NIPA2: variants seen among roughly 807,000 people sequenced by gnomAD.
NIPA2 encodes the protein NIPA magnesium transporter 2.
A neutral mutation model predicts 29.7 loss-of-function variants in NIPA2; 11 were observed. The ratio of observed to expected loss-of-function variants is 0.37; its 90% CI spans 0.23 to 0.61. The LOEUF (loss-of-function observed/expected upper bound fraction) is 0.61, where lower values mean the gene tolerates loss of function less well. Ranked by LOEUF, NIPA2 falls within the 20% of genes least tolerant of loss-of-function variation. The probability of loss-of-function intolerance (pLI) is 0.66; values close to 1 mark genes in which losing one functional copy is unlikely to be tolerated. For synonymous variants in NIPA2, 183 were observed against 161.9 expected, an observed-to-expected ratio of 1.13 and a Z score of -0.99; for missense variants, 426 against 437.9, an observed-to-expected ratio of 0.97 and a Z score of 0.24.
intron 6 of NIPA2, among the ~76,000 whole-genome samples, chr15:22,859,795 GT>G: frequency 1.3e-5 from 2 of 152,058 alleles, no homozygotes; most frequent in South Asian, 4.2e-4. Flanking sequence ...CAGGGTTATG[GT>G]ATAAGTCATT....
chr15:22,846,818 A>AAATAATAAT (rs1555380233), intron 3 of NIPA2, among the ~76,000 whole-genome samples: 106 of 135,830 alleles, frequency 7.8e-4, no homozygotes, highest in African/African-American at 2.7e-3. Context: ...CCTGTCTCCA[A>AAATAATAAT]AATAATAATA....
chr15:22,864,518 A>G (rs962860839), intron 7 of NIPA2, among the ~76,000 whole-genome samples: 3 of 152,132 alleles, frequency 2.0e-5, no homozygotes, highest in Non-Finnish European at 2.9e-5. Flanking sequence ...TTCCAGTTTC[A>G]TGGCTGGCTG....
At chr15:22,860,372 A>G (rs919867276) in intron 6 of NIPA2, among the ~76,000 whole-genome samples, 2 of 152,218 alleles carry the variant, frequency 1.3e-5, no homozygotes, top group Admixed American at 1.3e-4. Flanking sequence ...GTTCTTTATT[A>G]TAAATTTCAT....
intron 7 of NIPA2, among the ~76,000 whole-genome samples, chr15:22,861,736 G>A (rs2058634898): frequency 6.6e-6 from 1 of 152,138 alleles, no homozygotes; most frequent in East Asian, 1.9e-4. Context: ...TGTGCTGGGT[G>A]CCTGATGGTT....
chr15:22,860,772 A>C lies in NIPA2; in HGVS notation c.431A>C (p.His144Pro), dbSNP rs778970121. 19 of 1,595,834 alleles carry C rather than the reference A, an allele frequency of 1.2e-5. No individual in the cohort carries two copies. Among genetic ancestry groups the C allele is most frequent in the Middle Eastern group, 1.7e-4 (1 of 6,038 alleles). Reference protein sequence around the residue: ...EEIETLNEMSHKLGDPGFVVF... With the variant: ...EEIETLNEMSPKLGDPGFVVF... Reference sequence around the variant, plus strand: ...ATTGAGACTTTAAATGAAATGTCTCACAAGCTAGGTGATCCAGGTAAGAAA... The same window carrying C: ...ATTGAGACTTTAAATGAAATGTCTCCCAAGCTAGGTGATCCAGGTAAGAAA... The change falls in exon 7 of 8, where the codon CAC becomes CCC. Residue 144 changes from histidine to proline, a missense_variant. Transcript: ENST00000337451.
At position 22,839,640 on chromosome 15, in the gene NIPA2, T is replaced by C. The variant is rs921854843; in HGVS notation, c.-351-15T>C. 2.0e-5 allele frequency: 3 copies of C among 152,172 alleles called. No homozygotes were observed. Among genetic ancestry groups the C allele is most frequent in the Admixed American group, 2.0e-4 (3 of 15,280 alleles). 9.4% of individuals were successfully genotyped at this position (152,172 alleles called of 1,614,324 possible). On this transcript the variant is annotated splice_polypyrimidine_tract_variant and intron_variant, in intron 1 of 7. Coordinates refer to ENST00000337451, the MANE Select transcript of NIPA2 (RefSeq NM_030922.7). ...TTTAAGTCTTTTGCCTACTTCTGTGTTTTCTTCTTTCTAGGCTGGAGCTAC... is the reference window on the plus strand; with the variant it reads ...TTTAAGTCTTTTGCCTACTTCTGTGCTTTCTTCTTTCTAGGCTGGAGCTAC...
At chr15:22,843,348 A>G (rs759803099) in intron 2 of NIPA2, among the ~76,000 whole-genome samples, 7 of 151,484 alleles carry the variant, frequency 4.6e-5, no homozygotes, top group Non-Finnish European at 8.8e-5. Context: ...TACTAAAAAT[A>G]CAAAAAAATT....
At chr15:22,842,837 T>A (rs199841392) in intron 2 of NIPA2, among the ~76,000 whole-genome samples, 3 of 149,910 alleles carry the variant, frequency 2.0e-5, no homozygotes, top group Admixed American at 6.6e-5. Context: ...TCCAAAAAAA[T>A]TAAAAAATGC....
At chr15:22,852,503 T>C (rs2057840544) in intron 4 of NIPA2, among the ~76,000 whole-genome samples, 1 of 147,328 alleles carries the variant, frequency 6.8e-6, no homozygotes, top group Non-Finnish European at 1.5e-5. Flanking sequence ...AATCAGAATT[T>C]ATTAAAGGCT....
At chr15:22,839,495 C>A (rs960240821) in intron 1 of NIPA2, among the ~76,000 whole-genome samples, 160 bp from the exon 2 acceptor site, 18 of 152,246 alleles carry the variant, frequency 1.2e-4, no homozygotes, top group African/African-American at 4.3e-4. Context: ...TCGAGAGTTT[C>A]CATTCCAGTA....
intron 6 of NIPA2, among the ~76,000 whole-genome samples, chr15:22,858,868 C>T (rs1032879428): frequency 6.6e-6 from 1 of 152,082 alleles, no homozygotes; most frequent in East Asian, 1.9e-4. Context: ...AGTTCTACTT[C>T]GATTTCAGTT....
intron 1 of NIPA2, chr15:22,839,213 A>G (rs1306476876): frequency 6.6e-6 from 1 of 152,204 alleles, no homozygotes; most frequent in Non-Finnish European, 1.5e-5. Flanking sequence ...TGCGGGGATC[A>G]TAACTGACAG....
Position 22,866,907 on chromosome 15 carries a change from A to C in NIPA2, c.*60A>C. 2 of 1,422,324 alleles carry C rather than the reference A, an allele frequency of 1.4e-6. No individual in the cohort carries two copies. Among genetic ancestry groups the C allele is most frequent in the Non-Finnish European group, 1.9e-6 (2 of 1,056,722 alleles). The allele number at this position is 1,422,324 out of a possible 1,614,324, so 88.1% of individuals were successfully genotyped here. A position where few individuals can be genotyped will look rare whatever the true frequency, so the allele number is the denominator to read the frequency against. ...ATGAAGTGAATTTGAATATCATCAGAATGTGTCTGAAAAAACATTGTCCTC... is the reference window on the plus strand; with the variant it reads ...ATGAAGTGAATTTGAATATCATCAGCATGTGTCTGAAAAAACATTGTCCTC... On this transcript the variant is annotated 3_prime_UTR_variant, in exon 8 of 8. Coordinates refer to ENST00000337451, the MANE Select transcript of NIPA2 (RefSeq NM_030922.7).
intron 7 of NIPA2, among the ~76,000 whole-genome samples, chr15:22,865,233 TC>T (rs1417258933): frequency 6.8e-6 from 1 of 146,080 alleles, no homozygotes; most frequent in African/African-American, 2.5e-5. Context: ...ACGCCTGTAA[TC>T]CCAGCACTTT....
At chr15:22,840,812 T>G (rs1431227062) in intron 2 of NIPA2, among the ~76,000 whole-genome samples, 1 of 152,100 alleles carries the variant, frequency 6.6e-6, no homozygotes, top group African/African-American at 2.4e-5. Flanking sequence ...TAGCTATTGT[T>G]AGGGAGAGAT....
chr15:22,865,214 C>CG (rs982930795), intron 7 of NIPA2, among the ~76,000 whole-genome samples: 6 of 147,752 alleles, frequency 4.1e-5, no homozygotes, highest in African/African-American at 1.5e-4. Context: ...CTGCTGGGTG[C>CG]GGTGGCTCAC....
chr15:22,848,825 C>CAAAA lies in NIPA2; in HGVS notation c.-93-2791_-93-2788dup, dbSNP rs35853443. Reference sequence around the variant, plus strand: ...GGGTGACAGAGCAAGACTCTTGTCTCAAAAAAAAAAAAAAAAAAAAAAAAA... The same window carrying CAAAA: ...GGGTGACAGAGCAAGACTCTTGTCTCAAAAAAAAAAAAAAAAAAAAAAAAAAAAA... On this transcript the variant is annotated intron_variant, in intron 3 of 7. Transcript: ENST00000337451. Among the ~76,000 whole-genome samples the CAAAA allele has an allele frequency of 5.4e-4, 36 of 66,730 alleles. 2 individuals are homozygous for CAAAA. Among genetic ancestry groups the CAAAA allele is most frequent in the African/African-American group, 1.3e-3 (21 of 15,794 alleles). 43.8% of individuals were successfully genotyped at this position (66,730 alleles called of 152,430 possible).
chr15:22,862,250 G>T (rs1437371855), intron 7 of NIPA2, among the ~76,000 whole-genome samples: 1 of 151,220 alleles, frequency 6.6e-6, no homozygotes, highest in Non-Finnish European at 1.5e-5. Context: ...GTTTCACCAG[G>T]TTGGCCAGGC....
In NIPA2 at chr15:22,848,944, G is replaced by A. The variant is rs367666913; in HGVS notation, c.-93-2695G>A. On this transcript the variant is annotated intron_variant, in intron 3 of 7. Transcript: ENST00000337451. ...AGCTATGTGCATAGGCTAAAAGGGC[G>A]AATATCATGCAGGAGCCCAGGAGCT... 4.6e-5 allele frequency among the ~76,000 whole-genome samples: 7 copies of A among 151,616 alleles called. No individual in the cohort carries two copies. The East Asian group carries it at 1.2e-3, about 25-fold the overall frequency.
Sources: allele counts gnomAD v4.1 joint callset (sites outside exome capture counted in the v4.1 genomes callset), GRCh38; gene constraint gnomAD v4.1.1; transcripts MANE v1.5; gene names NCBI Gene and HGNC (gene_info 2026-07-23, HGNC 2026-07-21).